Variants in EML1 observed in about 807,000 individuals in gnomAD.
EML1 encodes EMAP like 1, also known as echinoderm microtubule-associated protein-like 1.
In EML1, 27 loss-of-function variants were observed where a neutral mutation model predicts 110.4. That is an observed-to-expected ratio of 0.24 (90% CI 0.18 to 0.34). The LOEUF (loss-of-function observed/expected upper bound fraction) is 0.34. Among genes scored for constraint, EML1 ranks in the 10% least tolerant of loss-of-function variants. The pLI is 1.00. For synonymous variants in EML1, 344 were observed against 385.8 expected, an observed-to-expected ratio of 0.89 and a Z score of 1.27; for missense variants, 741 against 1,030.9, an observed-to-expected ratio of 0.72 and a Z score of 3.85.
At chr14:99,850,208 T>A (rs770139403) in intron 1 of EML1, 1 of 1,082,160 alleles carries the variant, frequency 9.2e-7, no homozygotes, top group South Asian at 1.3e-5. Context: ...CAAAGTGTTC[T>A]CTGTGTTCTC....
In EML1 at chr14:99,878,484, G is replaced by T; in HGVS notation, c.384-1G>T. The T allele has an allele frequency of 6.2e-7, 1 of 1,609,754 alleles. No individual in the cohort carries two copies. Among genetic ancestry groups the T allele is most frequent in the Non-Finnish European group, 8.5e-7 (1 of 1,178,700 alleles). ...CACTGTCACTTCCATTCCACCCTTA[G>T]TAACATCAAGAGGACCAGCTCTTCT... On this transcript the variant is annotated splice_acceptor_variant, in intron 3 of 21. Transcript: ENST00000262233. LOFTEE classifies it high-confidence loss of function.
upstream of EML1, among the ~76,000 whole-genome samples, chr14:99,788,651 A>G (rs116993430): frequency 0.041 from 6,252 of 151,484 alleles, 157 homozygotes; most frequent in Non-Finnish European, 0.053. Context: ...GTGTGTGTGT[A>G]TGTGTACACA....
intron 16 of EML1, among the ~76,000 whole-genome samples, chr14:99,918,254 T>A (rs1357053891): frequency 6.6e-6 from 1 of 152,184 alleles, no homozygotes; most frequent in Non-Finnish European, 1.5e-5. Flanking sequence ...TGCACTGCCA[T>A]GCTCAACTAA....
intron 1 of EML1, among the ~76,000 whole-genome samples, chr14:99,753,495 C>T (rs2057206894): frequency 6.6e-6 from 1 of 151,894 alleles, no homozygotes; most frequent in Non-Finnish European, 1.5e-5. Context: ...TGTCAGCACC[C>T]ATCTCCCTTC....
At chr14:99,816,369 G>A (rs913883716) in intron 1 of EML1, among the ~76,000 whole-genome samples, 1 of 152,206 alleles carries the variant, frequency 6.6e-6, no homozygotes, top group East Asian at 1.9e-4. Context: ...CACCATGTTG[G>A]TAAGGCTGGT....
intron 1 of EML1, among the ~76,000 whole-genome samples, chr14:99,778,195 A>G (rs1303278811): frequency 6.6e-6 from 1 of 152,182 alleles, no homozygotes; most frequent in Non-Finnish European, 1.5e-5. Context: ...TCACATGTGG[A>G]TACATACCCT....
chr14:99,803,625 G>A (rs776323946), intron 1 of EML1, among the ~76,000 whole-genome samples: 4 of 152,156 alleles, frequency 2.6e-5, no homozygotes, highest in Admixed American at 6.5e-5. Flanking sequence ...AAGTAGAGAC[G>A]TTTGCAAAAA....
intron 2 of EML1, among the ~76,000 whole-genome samples, chr14:99,857,120 A>G (rs932491414): frequency 6.6e-6 from 1 of 152,070 alleles, no homozygotes; most frequent in African/African-American, 2.4e-5. Context: ...AAAAATACCG[A>G]AATTAGCCTT....
intron 1 of EML1, among the ~76,000 whole-genome samples, chr14:99,847,942 TA>T (rs35039142): frequency 4.5e-4 from 68 of 151,362 alleles, no homozygotes; most frequent in East Asian, 2.3e-3. Context: ...TTTGCTTTTT[TA>T]AAAAAAAAAT....
intron 3 of EML1, 68 bp from the exon 4 acceptor site, chr14:99,878,417 T>A: frequency 6.5e-7 from 1 of 1,538,956 alleles, no homozygotes; most frequent in Non-Finnish European, 8.7e-7. Context: ...TGTATATATT[T>A]GTATGCTTAG....
intron 17 of EML1, among the ~76,000 whole-genome samples, chr14:99,927,806 G>T (rs1453930127): frequency 3.6e-4 from 20 of 55,662 alleles, no homozygotes; most frequent in African/African-American, 8.4e-4. Flanking sequence ...GTGGTGGGGG[G>T]GGTGGGGGGG....
intron 1 of EML1, among the ~76,000 whole-genome samples, chr14:99,741,375 C>G (rs1345659325): frequency 6.6e-6 from 1 of 152,042 alleles, no homozygotes; most frequent in Non-Finnish European, 1.5e-5. Flanking sequence ...AAGTTGTTCC[C>G]CCGTCTTTAT....
chr14:99,807,604 C>T (rs901403574), intron 1 of EML1, among the ~76,000 whole-genome samples: 6 of 152,124 alleles, frequency 3.9e-5, no homozygotes, highest in African/African-American at 9.7e-5. Flanking sequence ...TGGACAGAGC[C>T]GCCAGACAGG....
intron 1 of EML1, among the ~76,000 whole-genome samples, chr14:99,840,492 G>A (rs765171950): frequency 4.9e-4 from 74 of 152,168 alleles, no homozygotes; most frequent in Non-Finnish European, 8.8e-4. Flanking sequence ...GTGGGAGGGC[G>A]CTGTGTGGCG....
chr14:99,913,457 G>T (rs969059895), intron 13 of EML1, among the ~76,000 whole-genome samples: 1 of 151,852 alleles, frequency 6.6e-6, no homozygotes, highest in Non-Finnish European at 1.5e-5. Flanking sequence ...GATTACAGAT[G>T]TGAGCTACCA....
chr14:99,908,041 G>A (rs754169410), intron 10 of EML1, among the ~76,000 whole-genome samples: 2 of 152,124 alleles, frequency 1.3e-5, no homozygotes, highest in African/African-American at 4.8e-5. Context: ...GGCACACCCC[G>A]AGTGCCTGCC....
chr14:99,764,797 G>A (rs187876171), intron 1 of EML1, among the ~76,000 whole-genome samples: 160 of 152,328 alleles, frequency 1.1e-3, no homozygotes, highest in African/African-American at 3.8e-3. Flanking sequence ...TTTTGGCATG[G>A]CCAGGACTGG....
rs555696452 is a variant in EML1 at position 99,939,767 on chromosome 14, C to T, written c.2323-220C>T. ...ACTGAGCATATCTCTCGGCTGAGGG[C>T]GGTCATTTGCTCGTGTCTGTCCCCT... On this transcript the variant is annotated intron_variant, in intron 21 of 21. Coordinates refer to ENST00000262233, the MANE Select transcript of EML1 (RefSeq NM_004434.3). This position sits in a 1 kb window ranked among gnomAD's most constrained non-coding sequence, Gnocchi z 4.2. 5.9e-5 allele frequency among the ~76,000 whole-genome samples: 9 copies of T among 152,186 alleles called. No homozygotes were observed. The South Asian group carries it at 8.3e-4, about 14-fold the overall frequency.
Position 99,866,682 on chromosome 14 carries a change from T to C in EML1, c.383+1036T>C, listed in dbSNP as rs184097965. On this transcript the variant is annotated intron_variant, in intron 3 of 21. Coordinates refer to ENST00000262233, the MANE Select transcript of EML1 (RefSeq NM_004434.3). The stretch of plus-strand genomic sequence containing the variant: ...TTTTCATCAGGCAAAATAGAAACTC[T>C]AGACCCATTAAATAGTAACTCCCCT... Among the ~76,000 whole-genome samples, 366 of 142,532 alleles carry C rather than the reference T, an allele frequency of 2.6e-3. 2 individuals are homozygous for C. Among genetic ancestry groups the C allele is most frequent in the African/African-American group, 8.9e-3 (322 of 36,362 alleles). The allele number at this position is 142,532 out of a possible 152,430, so 93.5% of individuals were successfully genotyped here.
Sources: allele counts gnomAD v4.1 joint callset (sites outside exome capture counted in the v4.1 genomes callset), GRCh38; gene constraint gnomAD v4.1.1; non-coding constraint Gnocchi (gnomAD v3.1); transcripts MANE v1.5; gene names NCBI Gene and HGNC (gene_info 2026-07-23, HGNC 2026-07-21).